SCEL: variants seen among roughly 807,000 people sequenced by gnomAD.
SCEL encodes the protein sciellin.
SCEL carries 113 observed loss-of-function variants against 117.6 expected under a neutral mutation model. The observed-to-expected ratio is 0.96, with a 90% CI of 0.83 to 1.12. The LOEUF is 1.12. SCEL is among the 50% of genes most tolerant of loss of function. The pLI is 0.00. For synonymous variants in SCEL, 270 were observed against 256.2 expected, an observed-to-expected ratio of 1.05 and a Z score of -0.51; for missense variants, 785 against 810.8, an observed-to-expected ratio of 0.97 and a Z score of 0.39.
intron 5 of SCEL, among the ~76,000 whole-genome samples, chr13:77,566,190 A>G (rs776179425): frequency 5.9e-5 from 9 of 152,220 alleles, no homozygotes; most frequent in Non-Finnish European, 1.3e-4. Context: ...TTTGGGAACA[A>G]TCATACTACA....
At chr13:77,542,385 G>A (rs2083754783) in intron 1 of SCEL, among the ~76,000 whole-genome samples, 1 of 151,174 alleles carries the variant, frequency 6.6e-6, no homozygotes, top group East Asian at 1.9e-4. Context: ...GGGCTACAGA[G>A]CAAGATTCCG....
At chr13:77,566,583 C>T (rs1331973015) in intron 5 of SCEL, among the ~76,000 whole-genome samples, 1 of 152,050 alleles carries the variant, frequency 6.6e-6, no homozygotes, top group Admixed American at 6.6e-5. Context: ...ATGTATTAGT[C>T]AAAGTAAACT....
chr13:77,593,997 C>A (rs1010044626), intron 12 of SCEL, among the ~76,000 whole-genome samples: 1 of 65,244 alleles, frequency 1.5e-5, no homozygotes, highest in Non-Finnish European at 2.9e-5. Context: ...TGGAATAATT[C>A]TTGATTCTTC....
intron 15 of SCEL, among the ~76,000 whole-genome samples, chr13:77,600,941 T>C (rs2087629965): frequency 6.6e-6 from 1 of 152,224 alleles, no homozygotes; most frequent in Admixed American, 6.5e-5. Context: ...ATCTTGGCGA[T>C]GCATTCTTAA....
At chr13:77,617,471 C>T (rs781478380) in intron 24 of SCEL, 128 bp from the exon 25 acceptor site, 163 of 571,780 alleles carry the variant, frequency 2.9e-4, no homozygotes, top group Non-Finnish European at 3.2e-4. Context: ...GGTTAGAAAA[C>T]GTATTTCATA....
At chr13:77,572,859 G>T (rs939413588) in intron 9 of SCEL, among the ~76,000 whole-genome samples, 1 of 152,132 alleles carries the variant, frequency 6.6e-6, no homozygotes, top group South Asian at 2.1e-4. Flanking sequence ...TGTGAATTTT[G>T]GGGGCAGAGG....
chr13:77,633,293 G>T (rs1162608996), intron 28 of SCEL, among the ~76,000 whole-genome samples: 1 of 149,614 alleles, frequency 6.7e-6, no homozygotes, highest in African/African-American at 2.5e-5. Context: ...AAAATTAGCC[G>T]GGCGCGGTGG....
At position 77,599,323 on chromosome 13, in the gene SCEL, T is replaced by G. The variant is rs772130788; in HGVS notation, c.798-6T>G. The G allele has an allele frequency of 6.2e-7, 1 of 1,607,202 alleles. No homozygotes were observed. ...ATGAGGCTTTTTTAAATCAATACAT[T>G]TAAAGGAATCAAGGTCTTGATAGTC... On this transcript the variant is annotated splice_polypyrimidine_tract_variant and splice_region_variant and intron_variant, in intron 13 of 32. Coordinates refer to ENST00000349847, the MANE Select transcript of SCEL (RefSeq NM_144777.3).
intron 22 of SCEL, 32 bp downstream of exon 22, chr13:77,610,138 C>T: frequency 6.6e-7 from 1 of 1,516,696 alleles, no homozygotes. Context: ...ATTTCTCCCC[C>T]CTTTTTTTTT....
intron 9 of SCEL, among the ~76,000 whole-genome samples, chr13:77,586,132 C>T (rs570506812): frequency 3.8e-4 from 58 of 152,204 alleles, no homozygotes; most frequent in African/African-American, 1.3e-3. Context: ...TTCAGCACCA[C>T]GCTCACTGTC....
rs963625855 is a variant in SCEL, at chr13:77,568,285, C to G, written c.360-10C>G. 1.3e-6 allele frequency: 2 copies of G among 1,549,560 alleles called. No homozygotes were observed. The highest frequency in any genetic ancestry group is 8.9e-7 in the Non-Finnish European group (1 of 1,129,122). On this transcript the variant is annotated splice_polypyrimidine_tract_variant and intron_variant, in intron 6 of 32. Transcript: ENST00000349847. ...ATTGTTCAAACTTTGCTTTCTTTCTCTCTTACCAGGAGCATGTCCATGTTT... is the reference window on the plus strand; with the variant it reads ...ATTGTTCAAACTTTGCTTTCTTTCTGTCTTACCAGGAGCATGTCCATGTTT...
chr13:77,602,208 C>A, intron 16 of SCEL, 84 bp downstream of exon 16: 1 of 1,151,116 alleles, frequency 8.7e-7, no homozygotes. Context: ...GTTATGCTTT[C>A]CTTTGTGGCA....
At chr13:77,641,870 G>A (rs1204457287) in intron 31 of SCEL, among the ~76,000 whole-genome samples, 2 of 152,090 alleles carry the variant, frequency 1.3e-5, no homozygotes, top group Admixed American at 1.3e-4. Context: ...TCCAATTTTA[G>A]GGCATAATGT....
intron 1 of SCEL, among the ~76,000 whole-genome samples, chr13:77,540,257 A>G (rs1567326486): frequency 6.6e-6 from 1 of 152,236 alleles, no homozygotes; most frequent in Non-Finnish European, 1.5e-5. Flanking sequence ...ATTATGTACC[A>G]GGTACTGTGA....
chr13:77,546,510 G>C (rs558653775), intron 1 of SCEL, among the ~76,000 whole-genome samples: 1 of 152,170 alleles, frequency 6.6e-6, no homozygotes, highest in East Asian at 1.9e-4. Flanking sequence ...GTGGTACTTG[G>C]TAGGGGCTTA....
chr13:77,590,947 T>C (rs550436367), intron 10 of SCEL, among the ~76,000 whole-genome samples: 1 of 152,250 alleles, frequency 6.6e-6, no homozygotes, highest in Non-Finnish European at 1.5e-5. Context: ...ATGTAGTAGG[T>C]GTACTTGAAA....
At chr13:77,566,412 A>G (rs2085292115) in intron 5 of SCEL, among the ~76,000 whole-genome samples, 1 of 150,972 alleles carries the variant, frequency 6.6e-6, no homozygotes, top group South Asian at 2.1e-4. Flanking sequence ...TGAGACAAGG[A>G]AAGAAGGAAC....
At chr13:77,555,805 C>T (rs930693790) in intron 1 of SCEL, 52 bp from the exon 2 acceptor site, 14 of 1,165,294 alleles carry the variant, frequency 1.2e-5, no homozygotes, top group Admixed American at 1.7e-5. Context: ...CAGTCACTTA[C>T]AGGTTCTCAG....
chr13:77,555,801 C>T, intron 1 of SCEL, 56 bp from the exon 2 acceptor site: 2 of 1,138,540 alleles, frequency 1.8e-6, no homozygotes, highest in Admixed American at 1.7e-5. Flanking sequence ...GAAACAGTCA[C>T]TTACAGGTTC....
Sources: allele counts gnomAD v4.1 joint callset (sites outside exome capture counted in the v4.1 genomes callset), GRCh38; gene constraint gnomAD v4.1.1; transcripts MANE v1.5; gene names NCBI Gene and HGNC (gene_info 2026-07-23, HGNC 2026-07-21).